COL4A4: variants seen among roughly 807,000 people sequenced by gnomAD.
COL4A4 encodes collagen type IV alpha 4 chain.
Under a neutral mutation model 192.9 loss-of-function variants are expected in COL4A4, and 105 were observed. That is an observed-to-expected ratio of 0.54 (90% confidence interval 0.46 to 0.64). COL4A4 has a LOEUF of 0.64. Ranked by LOEUF, COL4A4 falls within the 30% of genes least tolerant of loss-of-function variation. The pLI is 0.00. For synonymous variants in COL4A4, 762 were observed against 769.9 expected (o/e 0.99, Z 0.17); for missense variants, 1,967 against 2,169.3 (o/e 0.91, Z 1.85).
intron 4 of COL4A4, among the ~76,000 whole-genome samples, chr2:227,139,208 G>A (rs773614447): frequency 1.3e-5 from 2 of 152,110 alleles, no homozygotes; most frequent in Non-Finnish European, 2.9e-5. Context: ...CTTGTTCTTG[G>A]GGTTCCCACC....
intron 20 of COL4A4, among the ~76,000 whole-genome samples, chr2:227,090,593 A>G (rs1394523591): frequency 6.6e-6 from 1 of 151,672 alleles, no homozygotes; most frequent in Non-Finnish European, 1.5e-5. Flanking sequence ...TCTCTGCAAA[A>G]TCACAAAAAT....
At chr2:227,021,594 G>A (rs1037788377) in intron 44 of COL4A4, among the ~76,000 whole-genome samples, 4 of 152,152 alleles carry the variant, frequency 2.6e-5, no homozygotes, top group Non-Finnish European at 4.4e-5. Context: ...GGGAGGCTGA[G>A]GCAGGCGGAT....
chr2:227,075,037 C>G lies in COL4A4; in HGVS notation c.1987+2857G>C, dbSNP rs545737147. Among the ~76,000 whole-genome samples the G allele has an allele frequency of 9.9e-5, 15 of 152,162 alleles. 1 individual carries two copies. The highest frequency in any genetic ancestry group is 3.6e-4 in the African/African-American group (15 of 41,538). On this transcript the variant is annotated intron_variant, in intron 25 of 47. Transcript: ENST00000396625. ...GAGCCTACCAACCAAAAAAAGCCCA[C>G]GACCAGATGGATTCACAGCCGAAGT...
intron 12 of COL4A4, among the ~76,000 whole-genome samples, chr2:227,106,212 T>A (rs2060835776): frequency 6.6e-6 from 1 of 152,104 alleles, no homozygotes; most frequent in African/African-American, 2.4e-5. Context: ...AATAAACCAT[T>A]GAACAAGCAC....
At chr2:226,974,492 C>T in the COL4A4 span, among the ~76,000 whole-genome samples, 2 of 152,184 alleles carry the variant, frequency 1.3e-5, no homozygotes, top group Non-Finnish European at 2.9e-5. Context: ...AGGTCTTGGC[C>T]TCCCAAAGTG....
chr2:227,115,296 A>C (rs2061433193), intron 7 of COL4A4, among the ~76,000 whole-genome samples: 2 of 134,462 alleles, frequency 1.5e-5, no homozygotes, highest in African/African-American at 6.0e-5. Flanking sequence ...TTTGAGACAG[A>C]GTCTCGCTCT....
chr2:227,041,848 G>GAGAGAGAGAGAA lies in COL4A4; in HGVS notation c.3505+299_3505+300insTTCTCTCTCTCT, dbSNP rs1971305412. On this transcript the variant is annotated intron_variant, in intron 37 of 47. Coordinates refer to ENST00000396625, the MANE Select transcript of COL4A4 (RefSeq NM_000092.5). ...AGAAAGAAAGAAAGAAAGAAAGAAA[G>GAGAGAGAGAGAA]AGAAAGAAAGAAAGAAAGAAAGAAA... Among the ~76,000 whole-genome samples the GAGAGAGAGAGAA allele has an allele frequency of 6.2e-4, 24 of 38,732 alleles. 1 individual carries two copies. The highest frequency in any genetic ancestry group is 2.3e-3 in the African/African-American group (19 of 8,134). The allele number at this position is 38,732 out of a possible 152,430, so 25.4% of individuals were successfully genotyped here.
Position 227,045,830 on chromosome 2 carries a change from ATACACAC to A in COL4A4, c.3289+1638_3289+1644del, listed in dbSNP as rs1972456652. ...TATATATATATACACATATATATAT[ATACACAC>A]ATATATATATACACATATATATATA... On this transcript the variant is annotated intron_variant, in intron 35 of 47. Coordinates refer to ENST00000396625, the MANE Select transcript of COL4A4 (RefSeq NM_000092.5). Among the ~76,000 whole-genome samples the A allele has an allele frequency of 3.9e-5, 2 of 51,380 alleles. 1 individual carries two copies. Among genetic ancestry groups the A allele is most frequent in the Non-Finnish European group, 7.1e-5 (2 of 28,336 alleles). 33.7% of individuals were successfully genotyped at this position (51,380 alleles called of 152,430 possible). A position where few individuals can be genotyped will look rare whatever the true frequency, so the allele number is the denominator to read the frequency against.
intron 31 of COL4A4, among the ~76,000 whole-genome samples, 187 bp downstream of exon 31, chr2:227,054,407 T>C (rs1974855139): frequency 6.6e-6 from 1 of 152,196 alleles, no homozygotes; most frequent in African/African-American, 2.4e-5. Flanking sequence ...TTGCCATCTA[T>C]ATGTAATAAG....
intron 31 of COL4A4, among the ~76,000 whole-genome samples, chr2:227,053,378 G>A (rs1480932750): frequency 1.3e-5 from 2 of 152,094 alleles, no homozygotes; most frequent in Admixed American, 6.6e-5. Context: ...TCTGAAAATT[G>A]TCAAGCATTT....
At chr2:227,162,192 G>T (rs1368718887) in intron 1 of COL4A4, among the ~76,000 whole-genome samples, 1 of 152,184 alleles carries the variant, frequency 6.6e-6, no homozygotes, top group Admixed American at 6.5e-5. Flanking sequence ...TACATCACAA[G>T]TTTCTTTCCA....
chr2:227,011,708 C>A (rs1963747355), intron 45 of COL4A4, among the ~76,000 whole-genome samples: 1 of 152,136 alleles, frequency 6.6e-6, no homozygotes, highest in Admixed American at 6.5e-5. Context: ...AGAAAGAGCC[C>A]TGTTTTCTAC....
chr2:227,077,833 A>C, intron 25 of COL4A4, 61 bp downstream of exon 25: 1 of 1,438,402 alleles, frequency 7.0e-7, no homozygotes, highest in African/African-American at 1.4e-5. Context: ...TCTTCCACAT[A>C]AGAAAAATAA....
intron 4 of COL4A4, among the ~76,000 whole-genome samples, chr2:227,132,118 C>T (rs1276741301): frequency 6.6e-6 from 1 of 152,230 alleles, no homozygotes; most frequent in African/African-American, 2.4e-5. Flanking sequence ...CCGGTTCAAG[C>T]TCAAGTGCTA....
chr2:227,097,238 A>G (rs532892488), intron 19 of COL4A4, among the ~76,000 whole-genome samples: 1 of 152,338 alleles, frequency 6.6e-6, no homozygotes, highest in South Asian at 2.1e-4. Context: ...TGTCCACCCA[A>G]CTGTAGAGCA....
rs539724092 is a variant in COL4A4, at chr2:227,103,677, G to A, written c.816+295C>T. ...ACATCTAAAGGACAACTGGGCTTCC[G>A]GTGGTCTTTTCAATCCACACGTCAA... is the stretch of plus-strand genomic sequence containing the variant. On this transcript the variant is annotated intron_variant, in intron 13 of 47. Transcript: ENST00000396625. Among the ~76,000 whole-genome samples, 7 of 152,084 alleles carry A rather than the reference G, an allele frequency of 4.6e-5. No individual in the cohort carries two copies. In the South Asian group the frequency reaches 6.2e-4, roughly 14 times the overall value.
intron 34 of COL4A4, among the ~76,000 whole-genome samples, 182 bp from the exon 35 acceptor site, chr2:227,047,731 C>CCACACACACACACACACACA (rs71036155): frequency 7.2e-4 from 105 of 146,340 alleles, no homozygotes; most frequent in Admixed American, 1.6e-3. Context: ...AATTTACATA[C>CCACACACACACACACACACA]CACACACACA....
chr2:227,114,592 A>C (rs1420368061), intron 8 of COL4A4, 36 bp downstream of exon 8: 6 of 1,576,736 alleles, frequency 3.8e-6, no homozygotes, highest in Non-Finnish European at 5.2e-6. Flanking sequence ...ATTTGGAAGA[A>C]AAAATTTTTT....
chr2:227,152,229 G>A (rs2063999451), intron 1 of COL4A4, among the ~76,000 whole-genome samples: 1 of 152,322 alleles, frequency 6.6e-6, no homozygotes, highest in African/African-American at 2.4e-5. Context: ...TGGTTGAGGG[G>A]TTGCCTTTCT....
Sources: gnomAD v4.1 joint callset for allele counts (sites outside exome capture counted in the v4.1 genomes callset) on GRCh38, gnomAD v4.1.1 for gene constraint, MANE v1.5 for transcripts, NCBI Gene and HGNC (gene_info 2026-07-23, HGNC 2026-07-21) for gene names.